The following F8 variants were observed in gnomAD, a reference collection of about 807,000 sequenced individuals.
The protein encoded by F8 is coagulation factor VIII.
F8 carries 12 observed loss-of-function variants against 140.6 expected under a neutral mutation model. The observed-to-expected ratio is 0.09, with a 90% CI of 0.05 to 0.14. The LOEUF (loss-of-function observed/expected upper bound fraction) is 0.14. Ranked by LOEUF, F8 falls within the 10% of genes least tolerant of loss-of-function variation. The pLI is 1.00. For synonymous variants in F8, 585 were observed against 614.6 expected, an observed-to-expected ratio of 0.95 and a Z score of 0.71; for missense variants, 1,354 against 1,720.7, an observed-to-expected ratio of 0.79 and a Z score of 3.77.
intron 13 of F8, among the ~76,000 whole-genome samples, chrX:154,939,761 C>G (rs2073247975): frequency 8.9e-6 from 1 of 112,047 alleles, no homozygotes; most frequent in South Asian, 3.7e-4. Flanking sequence ...TGGGAGGCAC[C>G]CCCCAGTAGG....
chrX:154,900,901 CAT>C (rs1557275887), intron 20 of F8, among the ~76,000 whole-genome samples: 1 of 112,575 alleles, frequency 8.9e-6, no homozygotes, highest in East Asian at 2.8e-4. Flanking sequence ...TATAATTTCA[CAT>C]GTCATGAAAT....
intron 25 of F8, among the ~76,000 whole-genome samples, chrX:154,848,216 T>C (rs2072585502): frequency 1.8e-5 from 2 of 112,879 alleles, no homozygotes; most frequent in Admixed American, 9.3e-5. Flanking sequence ...GCCTCCCAGT[T>C]AGGCTACTCG....
intron 1 of F8, among the ~76,000 whole-genome samples, chrX:155,006,241 T>C (rs1403929951): frequency 1.0e-5 from 1 of 97,771 alleles, no homozygotes; most frequent in Non-Finnish European, 2.0e-5. Context: ...GAAAATCGCT[T>C]AGAAACACTG....
chrX:154,960,293 A>T (rs2073389181), intron 10 of F8, among the ~76,000 whole-genome samples: 1 of 111,812 alleles, frequency 8.9e-6, no homozygotes, highest in Non-Finnish European at 1.9e-5. Flanking sequence ...GTAACTTTTT[A>T]GAGATGTAGA....
chrX:154,987,361 T>C (rs2073565169), intron 4 of F8, 56 bp from the exon 5 acceptor site: 2 of 1,017,559 alleles, frequency 2.0e-6, no homozygotes, highest in Non-Finnish European at 2.8e-6. Context: ...TTGTAGGAAA[T>C]TGTCACTAGG....
chrX:154,917,942 A>T (rs782018412), intron 14 of F8, among the ~76,000 whole-genome samples: 1 of 111,856 alleles, frequency 8.9e-6, no homozygotes, highest in Non-Finnish European at 1.9e-5. Flanking sequence ...TGCTGTTTCC[A>T]TTTGGAGAGG....
chrX:155,014,443 G>GA lies in F8; in HGVS notation c.143+7966dup, dbSNP rs1302336861. On this transcript the variant is annotated intron_variant, in intron 1 of 25. Transcript: ENST00000360256. Reference sequence around the variant, plus strand: ...GGCCCTTGCCAGTACAGTAAGGCATGAAAAAAAAAATAAAAAGCATCCAGT... The same window carrying GA: ...GGCCCTTGCCAGTACAGTAAGGCATGAAAAAAAAAAATAAAAAGCATCCAGT... 1.3e-3 allele frequency among the ~76,000 whole-genome samples: 142 copies of GA among 106,573 alleles called. 1 individual carries two copies. Among genetic ancestry groups the GA allele is most frequent in the East Asian group, 9.0e-3 (31 of 3,458 alleles). 92.5% of individuals were successfully genotyped at this position (106,573 alleles called of 115,157 possible). A position where few individuals can be genotyped will look rare whatever the true frequency, so the allele number is the denominator to read the frequency against.
chrX:154,925,146 G>C (rs1030560865), intron 14 of F8, among the ~76,000 whole-genome samples: 1 of 112,469 alleles, frequency 8.9e-6, no homozygotes, highest in Non-Finnish European at 1.9e-5. Flanking sequence ...ACATTATCAG[G>C]CTGCAAATTT....
intron 1 of F8, among the ~76,000 whole-genome samples, chrX:155,000,336 A>G (rs1354092168): frequency 8.9e-6 from 1 of 112,030 alleles, no homozygotes; most frequent in African/African-American, 3.2e-5. Context: ...GTGAATTGGT[A>G]GAAATTACAA....
intron 24 of F8, among the ~76,000 whole-genome samples, chrX:154,861,125 C>T (rs1557272834): frequency 9.0e-6 from 1 of 110,903 alleles, no homozygotes; most frequent in Non-Finnish European, 1.9e-5. Flanking sequence ...AGCATGATCT[C>T]AGCTCACTGC....
At chrX:154,848,033 G>C (rs1187803981) in intron 25 of F8, among the ~76,000 whole-genome samples, 1 of 112,353 alleles carries the variant, frequency 8.9e-6, no homozygotes, top group Non-Finnish European at 1.9e-5. Context: ...AGGTCTGTTG[G>C]AGTTTGCTGG....
chrX:154,878,170 G>A (rs1339537662), intron 22 of F8, among the ~76,000 whole-genome samples: 2 of 111,066 alleles, frequency 1.8e-5, no homozygotes, highest in Non-Finnish European at 3.8e-5. Flanking sequence ...TTGAATATGT[G>A]AGTATAATAT....
Position 155,022,433 on chromosome X carries a change from G to A in F8, c.120C>T (p.Leu40=), listed in dbSNP as rs2073764562. The change falls in exon 1 of 26, where the codon CTC becomes CTT. Residue 40 remains leucine (L), a synonymous_variant. Transcript: ENST00000360256. ...ELSWDYMQSD[L]GELPVDARFP... is the part of the protein sequence containing the mutation. Reference sequence around the variant, plus strand: ...ACCTTGCGTCCACAGGCAGCTCACCGAGATCACTTTGCATATAGTCCCATG... The same window carrying A: ...ACCTTGCGTCCACAGGCAGCTCACCAAGATCACTTTGCATATAGTCCCATG... 2.5e-6 allele frequency: 3 copies of A among 1,208,435 alleles called. No homozygotes were observed. Among genetic ancestry groups the A allele is most frequent in the Admixed American group, 2.2e-5 (1 of 45,640 alleles).
intron 13 of F8, among the ~76,000 whole-genome samples, chrX:154,937,140 C>T (rs935591794): frequency 1.4e-4 from 16 of 110,468 alleles, no homozygotes; most frequent in Admixed American, 4.8e-4. Flanking sequence ...AATCAATGAA[C>T]CAAGTTTTAA....
chrX:154,855,915 A>G (rs906399593), intron 25 of F8, among the ~76,000 whole-genome samples: 1 of 111,555 alleles, frequency 9.0e-6, no homozygotes, highest in Admixed American at 9.6e-5. Context: ...TATGTATAGG[A>G]ATGGGTACTA....
intron 25 of F8, among the ~76,000 whole-genome samples, chrX:154,848,588 G>A (rs782335904): frequency 8.9e-6 from 1 of 112,451 alleles, no homozygotes; most frequent in Non-Finnish European, 1.9e-5. Flanking sequence ...CTCTGAGCCA[G>A]GTGCAGGATA....
chrX:154,929,616 A>T lies in F8; in HGVS notation c.4174T>A (p.Cys1392Ser). 1 of 1,211,466 alleles carries T rather than the reference A, an allele frequency of 8.3e-7. No homozygotes were observed. The highest frequency in any genetic ancestry group is 1.1e-6 in the Non-Finnish European group (1 of 895,240). ...GAITQSPLSD[C>S]LTRSHSIPQA... Reference sequence around the variant, plus strand: ...GGGATGCTATGACTCCTCGTAAGGCAATCTGATAAGGGAGACTGAGTAATG... The same window carrying T: ...GGGATGCTATGACTCCTCGTAAGGCTATCTGATAAGGGAGACTGAGTAATG... The change falls in exon 14 of 26, where the codon TGC becomes AGC. Residue 1392 changes from cysteine to serine, a missense_variant. Around this residue, in one of 4 missense-constraint regions of F8, gnomAD observed 658 missense variants for 666.5 expected, o/e 0.99. Coordinates refer to ENST00000360256, the MANE Select transcript of F8 (RefSeq NM_000132.4).
At chrX:154,953,478 A>G (rs782551316) in intron 12 of F8, among the ~76,000 whole-genome samples, 5 of 112,347 alleles carry the variant, frequency 4.5e-5, no homozygotes, top group African/African-American at 1.3e-4. Context: ...TTGTAAGACA[A>G]TAGATATCTG....
intron 8 of F8, 136 bp downstream of exon 8, chrX:154,966,290 T>C (rs781881159): frequency 8.1e-5 from 75 of 929,521 alleles, no homozygotes; most frequent in Non-Finnish European, 1.1e-4. Flanking sequence ...AGTTTCCAAA[T>C]GTTAATACCC....
Sources: allele counts gnomAD v4.1 joint callset (sites outside exome capture counted in the v4.1 genomes callset), GRCh38; gene constraint gnomAD v4.1.1; regional missense constraint gnomAD v4.1.1; transcripts MANE v1.5; gene names NCBI Gene and HGNC (gene_info 2026-07-23, HGNC 2026-07-21).